Variants in FSIP1 observed in about 807,000 individuals in gnomAD.
FSIP1 encodes fibrous sheath-interacting protein 1.
In FSIP1, 65 loss-of-function variants were observed where a neutral mutation model predicts 60.9. That is an observed-to-expected ratio of 1.07 (90% confidence interval 0.87 to 1.31). FSIP1 has a LOEUF of 1.31. FSIP1 is among the 40% of genes most tolerant of loss of function. The pLI is 0.00. For synonymous variants in FSIP1, 209 were observed against 221.2 expected, an observed-to-expected ratio of 0.94 and a Z score of 0.49; for missense variants, 675 against 665.5, an observed-to-expected ratio of 1.01 and a Z score of -0.16.
intron 3 of FSIP1, 69 bp from the exon 4 acceptor site, chr15:39,765,815 C>T: frequency 1.2e-6 from 1 of 854,500 alleles, no homozygotes; most frequent in Non-Finnish European, 1.8e-6. Flanking sequence ...TTTGTTCTTA[C>T]AATTTGTTCT....
chr15:39,631,113 T>C (rs1237327141), intron 10 of FSIP1, among the ~76,000 whole-genome samples: 1 of 152,178 alleles, frequency 6.6e-6, no homozygotes, highest in African/African-American at 2.4e-5. Context: ...AGAGCCTTGG[T>C]ATAAGATGCA....
chr15:39,687,893 G>A (rs775588267), intron 10 of FSIP1, among the ~76,000 whole-genome samples: 3 of 152,062 alleles, frequency 2.0e-5, no homozygotes, highest in African/African-American at 4.8e-5. Flanking sequence ...CATTTTTCCA[G>A]GAAAGAGGTT....
intron 2 of FSIP1, among the ~76,000 whole-genome samples, chr15:39,771,935 A>G (rs1897901384): frequency 1.3e-5 from 2 of 152,232 alleles, no homozygotes; most frequent in Admixed American, 1.3e-4. Context: ...ATATTGGTAT[A>G]AAGCAACTTA....
At chr15:39,617,603 G>T (rs1891278525) in intron 11 of FSIP1, 132 bp downstream of exon 11, 1 of 710,332 alleles carries the variant, frequency 1.4e-6, no homozygotes, top group South Asian at 1.9e-5. Context: ...TTTTATGTTT[G>T]CATACTCTTA....
chr15:39,625,075 G>A (rs1009752340), intron 10 of FSIP1, among the ~76,000 whole-genome samples: 4 of 152,134 alleles, frequency 2.6e-5, no homozygotes, highest in African/African-American at 7.2e-5. Flanking sequence ...CAAAGTCACC[G>A]TGCAGAATCA....
chr15:39,762,995 C>A (rs1463437012), intron 5 of FSIP1, among the ~76,000 whole-genome samples: 1 of 152,030 alleles, frequency 6.6e-6, no homozygotes, highest in Non-Finnish European at 1.5e-5. Context: ...TTTTTATTCT[C>A]AAAATATATA....
chr15:39,645,273 GC>G (rs1198147557), intron 10 of FSIP1, among the ~76,000 whole-genome samples: 2 of 152,230 alleles, frequency 1.3e-5, no homozygotes, highest in Non-Finnish European at 2.9e-5. Flanking sequence ...AGTGGCTGCT[GC>G]CATCATGTCA....
chr15:39,651,915 T>C (rs985025168), intron 10 of FSIP1, among the ~76,000 whole-genome samples: 1 of 152,194 alleles, frequency 6.6e-6, no homozygotes, highest in South Asian at 2.1e-4. Flanking sequence ...GAAAGCTTAA[T>C]GCAATTAAAT....
intron 1 of FSIP1, among the ~76,000 whole-genome samples, chr15:39,779,552 A>G (rs1898179437): frequency 6.6e-6 from 1 of 152,172 alleles, no homozygotes; most frequent in Non-Finnish European, 1.5e-5. Context: ...CATCTTTCCC[A>G]TTTTTGCTCT....
intron 11 of FSIP1, among the ~76,000 whole-genome samples, chr15:39,608,257 T>C (rs969683890): frequency 6.6e-6 from 1 of 152,234 alleles, no homozygotes; most frequent in African/African-American, 2.4e-5. Flanking sequence ...ATTAACATTA[T>C]CTGGTATAAT....
At chr15:39,756,962 A>T (rs1166303112) in intron 5 of FSIP1, among the ~76,000 whole-genome samples, 1 of 152,152 alleles carries the variant, frequency 6.6e-6, no homozygotes, top group Non-Finnish European at 1.5e-5. Flanking sequence ...CTCCAGAAAT[A>T]CAATGTGAAC....
chr15:39,627,635 C>A (rs978388790), intron 10 of FSIP1, among the ~76,000 whole-genome samples: 1 of 151,830 alleles, frequency 6.6e-6, no homozygotes, highest in Non-Finnish European at 1.5e-5. Flanking sequence ...AAGTCACCCA[C>A]ATGGCATCTC....
chr15:39,641,497 G>A (rs1197182807), intron 10 of FSIP1, among the ~76,000 whole-genome samples: 2 of 152,172 alleles, frequency 1.3e-5, no homozygotes, highest in African/African-American at 2.4e-5. Context: ...ACTGTTTATT[G>A]ACTATAATTA....
At chr15:39,778,649 C>T (rs371273246) in intron 1 of FSIP1, among the ~76,000 whole-genome samples, 2 of 152,062 alleles carry the variant, frequency 1.3e-5, no homozygotes, top group African/African-American at 2.4e-5. Flanking sequence ...GTTATAATTA[C>T]GTAAGCATTG....
chr15:39,621,593 A>G (rs970492631), intron 10 of FSIP1, among the ~76,000 whole-genome samples: 2 of 152,248 alleles, frequency 1.3e-5, no homozygotes, highest in Non-Finnish European at 2.9e-5. Flanking sequence ...CTTTTTATGA[A>G]CAACTACACT....
intron 10 of FSIP1, among the ~76,000 whole-genome samples, chr15:39,707,016 G>T (rs551242066): frequency 6.5e-4 from 99 of 152,232 alleles, no homozygotes; most frequent in African/African-American, 2.3e-3. Context: ...GATATCTGAG[G>T]TATATACATT....
At chr15:39,757,339 T>C (rs1398451287) in intron 5 of FSIP1, among the ~76,000 whole-genome samples, 1 of 152,106 alleles carries the variant, frequency 6.6e-6, no homozygotes. Flanking sequence ...AGTGCTTATG[T>C]TGAAATACCA....
At chr15:39,651,504 T>G (rs1048766993) in intron 10 of FSIP1, among the ~76,000 whole-genome samples, 3 of 152,218 alleles carry the variant, frequency 2.0e-5, no homozygotes, top group Admixed American at 2.0e-4. Flanking sequence ...GTGTGTGACT[T>G]TGGGCAAGTT....
Position 39,770,610 on chromosome 15 carries a change from C to G in FSIP1, c.127G>C (p.Val43Leu), listed in dbSNP as rs761067651. Residue 43 changes from valine (V) to leucine (L), a missense_variant and splice_region_variant, in exon 3 of 12, where the codon GTC becomes CTC. Coordinates refer to ENST00000350221, the MANE Select transcript of FSIP1 (RefSeq NM_152597.5). ...GAGTTCAAGTTGCTTGCAGTATCGA[C>G]CTAAAAATAATTTCAAAAAAAAAAC... ...VLSTEPGSFK[V>L]DTASNLNSGK... is the part of the protein sequence containing the mutation. 1 of 1,473,152 alleles carries G rather than the reference C, an allele frequency of 6.8e-7. No individual in the cohort carries two copies. Among genetic ancestry groups the G allele is most frequent in the Non-Finnish European group, 9.0e-7 (1 of 1,109,280 alleles). 91.3% of individuals were successfully genotyped at this position (1,473,152 alleles called of 1,614,324 possible). A position where few individuals can be genotyped will look rare whatever the true frequency, so the allele number is the denominator to read the frequency against.
Sources: allele counts gnomAD v4.1 joint callset (sites outside exome capture counted in the v4.1 genomes callset), GRCh38; gene constraint gnomAD v4.1.1; transcripts MANE v1.5; gene names NCBI Gene and HGNC (gene_info 2026-07-23, HGNC 2026-07-21).